The following RIMBP2 variants were observed in gnomAD, a reference collection of about 807,000 sequenced individuals.
RIMBP2 encodes RIMS-binding protein 2.
Under a neutral mutation model 118.6 loss-of-function variants are expected in RIMBP2, and 48 were observed. The ratio of observed to expected loss-of-function variants is 0.40; its 90% CI spans 0.32 to 0.51. The LOEUF is 0.51. Ranked by LOEUF, RIMBP2 falls within the 20% of genes least tolerant of loss-of-function variation. RIMBP2 has a pLI of 0.41. For missense variants in RIMBP2, 1,551 were observed against 1,768.3 expected (o/e 0.88, Z 2.20); for synonymous variants, 762 against 742.9 (o/e 1.03, Z -0.42).
Position 130,559,275 on chromosome 12 carries a change from T to C in RIMBP2, c.-216-41358A>G, listed in dbSNP as rs77870846. Among the ~76,000 whole-genome samples the C allele has an allele frequency of 4.6e-5, 7 of 152,312 alleles. No homozygotes were observed. The East Asian group carries it at 1.3e-3, about 29-fold the overall frequency. ...TTCTCTTAGAATTTATTCCACCTAA[T>C]AGATATTTTGTATCCTTCCAACAAC... On this transcript the variant is annotated intron_variant, in intron 2 of 22. Coordinates refer to ENST00000690449, the MANE Select transcript of RIMBP2 (RefSeq NM_001393629.1).
At chr12:130,564,503 G>A (rs1247474864) in intron 2 of RIMBP2, among the ~76,000 whole-genome samples, 1 of 152,136 alleles carries the variant, frequency 6.6e-6, no homozygotes, top group Non-Finnish European at 1.5e-5. Flanking sequence ...AGGGCATTCA[G>A]CATTCTTAGC....
rs115666780 is a variant in RIMBP2 at position 130,533,852 on chromosome 12, G to C, written c.-216-15935C>G. 9.0e-3 allele frequency among the ~76,000 whole-genome samples: 1,371 copies of C among 152,272 alleles called. 22 individuals are homozygous for C. The highest frequency in any genetic ancestry group is 0.032 in the African/African-American group (1,312 of 41,554). ...CAGTCACAAGTAGGAGCTAAACAGT[G>C]TCTCCACGTGGACACAGAAAGTGGA... On this transcript the variant is annotated intron_variant, in intron 2 of 22. Coordinates refer to ENST00000690449, the MANE Select transcript of RIMBP2 (RefSeq NM_001393629.1).
chr12:130,637,389 G>A (rs12816948), intron 1 of RIMBP2, among the ~76,000 whole-genome samples: 16,127 of 152,270 alleles, frequency 0.11, 867 homozygotes, highest in African/African-American at 0.14. Context: ...GACACATTTC[G>A]AGTGAATGAA....
intron 9 of RIMBP2, among the ~76,000 whole-genome samples, chr12:130,449,882 C>T (rs2078851271): frequency 6.6e-6 from 1 of 152,036 alleles, no homozygotes; most frequent in Non-Finnish European, 1.5e-5. Flanking sequence ...AAAGAAGGAC[C>T]CCTCCTTGGA....
intron 19 of RIMBP2, among the ~76,000 whole-genome samples, chr12:130,410,980 A>G (rs908226707): frequency 2.0e-5 from 3 of 152,206 alleles, no homozygotes; most frequent in Non-Finnish European, 2.9e-5. Context: ...GTCCATGAAT[A>G]TGATCTCTCT....
At position 130,442,596 on chromosome 12, in the gene RIMBP2, G is replaced by T. The variant is rs768510767; in HGVS notation, c.756C>A (p.Asn252Lys). 6.2e-7 allele frequency: 1 copy of T among 1,614,056 alleles called. No individual in the cohort carries two copies. The highest frequency in any genetic ancestry group is 8.5e-7 in the Non-Finnish European group (1 of 1,180,032). The change falls in exon 11 of 23, where the codon AAC becomes AAA. Residue 252 changes from asparagine (N) to lysine (K), a missense_variant. By Grantham distance (94) the Asn-to-Lys change is moderately conservative (BLOSUM62 0). Coordinates refer to ENST00000690449, the MANE Select transcript of RIMBP2 (RefSeq NM_001393629.1). This position sits in a 1 kb window ranked among gnomAD's most constrained non-coding sequence, Gnocchi z 6.9. Reference sequence around the variant, plus strand: ...CCAGCGTGCTTGCCAACCGCGACTCGTTGTCCTGCACAAAGTCCACGAAGT... The same window carrying T: ...CCAGCGTGCTTGCCAACCGCGACTCTTTGTCCTGCACAAAGTCCACGAAGT... ...PSNFVDFVQD[N>K]ESRLASTLGN...
intron 14 of RIMBP2, among the ~76,000 whole-genome samples, chr12:130,432,721 G>A (rs2077227394): frequency 6.6e-6 from 1 of 152,210 alleles, no homozygotes; most frequent in Admixed American, 6.5e-5. Flanking sequence ...AAAGAAACCA[G>A]CCCTGCTGGT....
At chr12:130,687,339 A>C (rs546578876) in intron 1 of RIMBP2, among the ~76,000 whole-genome samples, 1 of 152,344 alleles carries the variant, frequency 6.6e-6, no homozygotes, top group Admixed American at 6.5e-5. Context: ...ATTGTATTGC[A>C]TAACTATTTC....
intron 1 of RIMBP2, among the ~76,000 whole-genome samples, chr12:130,634,364 G>A (rs903184817): frequency 1.3e-5 from 2 of 152,166 alleles, no homozygotes; most frequent in Non-Finnish European, 2.9e-5. Context: ...AAGCTCACCT[G>A]CACCAGGAGT....
In RIMBP2 at chr12:130,422,722, C is replaced by T. The variant is rs1033123461; in HGVS notation, c.3130-161G>A. Among the ~76,000 whole-genome samples, 1 of 152,182 alleles carries T rather than the reference C, an allele frequency of 6.6e-6. No homozygotes were observed. Among genetic ancestry groups the T allele is most frequent in the Non-Finnish European group, 1.5e-5 (1 of 68,046 alleles). The stretch of plus-strand genomic sequence containing the variant: ...TGAATGGCCTGGGAGAGAACAAAGC[C>T]GGGCACCAGCACCCCACTGTCTACT... On this transcript the variant is annotated intron_variant, in intron 16 of 22. Transcript: ENST00000690449. This position sits in a 1 kb window ranked among gnomAD's most constrained non-coding sequence, Gnocchi z 5.2.
chr12:130,481,994 T>G (rs1431885048), intron 4 of RIMBP2, among the ~76,000 whole-genome samples: 1 of 143,864 alleles, frequency 7.0e-6, no homozygotes, highest in Admixed American at 6.9e-5. Flanking sequence ...ACCAGCTGCA[T>G]ACATTGCAGG....
intron 4 of RIMBP2, among the ~76,000 whole-genome samples, chr12:130,500,272 AC>A (rs1305926529): frequency 1.2e-4 from 19 of 152,196 alleles, no homozygotes; most frequent in Admixed American, 1.2e-3. Flanking sequence ...AGCCTGACCA[AC>A]ACGGGGAAAC....
At chr12:130,625,812 A>C (rs1008978852) in intron 2 of RIMBP2, among the ~76,000 whole-genome samples, 2 of 152,220 alleles carry the variant, frequency 1.3e-5, no homozygotes, top group Non-Finnish European at 2.9e-5. Context: ...ATAAGCCCTC[A>C]AAATAATCTG....
At chr12:130,633,986 G>C (rs996741037) in intron 1 of RIMBP2, 1 of 152,276 alleles carries the variant, frequency 6.6e-6, no homozygotes, top group Non-Finnish European at 1.5e-5. Flanking sequence ...ACTGCTTTGT[G>C]TCAGCTGAAT....
chr12:130,571,129 G>A (rs559905750), intron 2 of RIMBP2, among the ~76,000 whole-genome samples: 22 of 151,380 alleles, frequency 1.5e-4, no homozygotes, highest in East Asian at 1.2e-3. Context: ...GCTGAGTTCC[G>A]GAAGGAGGAG....
At position 130,620,658 on chromosome 12, in the gene RIMBP2, C is replaced by G. The variant is rs1363747423; in HGVS notation, c.-217+7664G>C. 6.6e-6 allele frequency among the ~76,000 whole-genome samples: 1 copy of G among 152,134 alleles called. No homozygotes were observed. The highest frequency in any genetic ancestry group is 2.4e-5 in the African/African-American group (1 of 41,422). ...CTGACATTCTTGGTACTTCGTGGCT[C>G]CTAGAAGCACCACCCCAATCCCTGC... On this transcript the variant is annotated intron_variant, in intron 2 of 22. Transcript: ENST00000690449. The surrounding 1 kb of genome is among the most constrained non-coding windows in gnomAD (Gnocchi z 5.3).
chr12:130,458,551 C>A (rs1246610989), intron 6 of RIMBP2, among the ~76,000 whole-genome samples: 1 of 152,202 alleles, frequency 6.6e-6, no homozygotes, highest in African/African-American at 2.4e-5. Flanking sequence ...CTGCCCGCTG[C>A]AGGCAAGGCC....
intron 1 of RIMBP2, among the ~76,000 whole-genome samples, chr12:130,645,431 C>G (rs1025530301): frequency 6.6e-6 from 1 of 152,232 alleles, no homozygotes; most frequent in African/African-American, 2.4e-5. Flanking sequence ...TCCCTCCAGG[C>G]CCCTGAAGTT....
At chr12:130,423,852 C>G (rs536798391) in intron 16 of RIMBP2, among the ~76,000 whole-genome samples, 1 of 152,218 alleles carries the variant, frequency 6.6e-6, no homozygotes, top group East Asian at 1.9e-4. Context: ...CACACTTCAG[C>G]TAACCCTTAA....
Sources: gnomAD v4.1 joint callset for allele counts (sites outside exome capture counted in the v4.1 genomes callset) on GRCh38, gnomAD v4.1.1 for gene constraint, Gnocchi (gnomAD v3.1) non-coding constraint, MANE v1.5 for transcripts, NCBI Gene and HGNC (gene_info 2026-07-23, HGNC 2026-07-21) for gene names.